Variants in HECW1 observed in about 807,000 individuals in gnomAD.
The protein encoded by HECW1 is E3 ubiquitin-protein ligase HECW1.
A neutral mutation model predicts 182.3 loss-of-function variants in HECW1; 61 were observed. That is an observed-to-expected ratio of 0.33 (90% CI 0.27 to 0.41). The LOEUF is 0.41. Ranked by LOEUF, HECW1 falls within the 10% of genes least tolerant of loss-of-function variation. HECW1 has a pLI of 1.00. For synonymous variants in HECW1, 859 were observed against 832.6 expected (o/e 1.03, Z -0.55); for missense variants, 1,739 against 2,108.9 (o/e 0.82, Z 3.44).
chr7:43,536,033 A>G (rs1386252139), intron 24 of HECW1, among the ~76,000 whole-genome samples: 3 of 152,196 alleles, frequency 2.0e-5, no homozygotes, highest in Non-Finnish European at 4.4e-5. Context: ...GTTTGGATTG[A>G]GGAATCTAAC....
chr7:43,524,627 A>G (rs1263203068), intron 24 of HECW1, among the ~76,000 whole-genome samples: 1 of 152,232 alleles, frequency 6.6e-6, no homozygotes, highest in African/African-American at 2.4e-5. Flanking sequence ...AAGTAAGCAA[A>G]TACTAACATT....
intron 2 of HECW1, among the ~76,000 whole-genome samples, chr7:43,128,531 C>T (rs924453103): frequency 1.3e-5 from 2 of 152,212 alleles, no homozygotes; most frequent in African/African-American, 4.8e-5. Flanking sequence ...TGACAATGCA[C>T]TTGGTCACCC....
At chr7:43,406,207 A>G (rs1354987727) in intron 7 of HECW1, among the ~76,000 whole-genome samples, 1 of 152,194 alleles carries the variant, frequency 6.6e-6, no homozygotes, top group African/African-American at 2.4e-5. Flanking sequence ...CAGTGCAGAG[A>G]TCTACCAGTC....
In HECW1 at chr7:43,554,541, C is replaced by G. The variant is rs750647520; in HGVS notation, c.4511-51C>G. The G allele has an allele frequency of 5.3e-6, 8 of 1,507,518 alleles. No homozygotes were observed. In the East Asian group the frequency reaches 1.7e-4, roughly 31 times the overall value. 93.4% of individuals were successfully genotyped at this position (1,507,518 alleles called of 1,614,324 possible). On this transcript the variant is annotated intron_variant, in intron 28 of 29. Coordinates refer to ENST00000395891, the MANE Select transcript of HECW1 (RefSeq NM_015052.5). ...TTGATCTCTCTCTCCCTCCTCACCCCTTCCTCTTTTCTCCACATCCTGTCT... is the reference window on the plus strand; with the variant it reads ...TTGATCTCTCTCTCCCTCCTCACCCGTTCCTCTTTTCTCCACATCCTGTCT...
At chr7:43,414,994 T>C (rs942407550) in intron 8 of HECW1, among the ~76,000 whole-genome samples, 5 of 152,214 alleles carry the variant, frequency 3.3e-5, no homozygotes, top group African/African-American at 1.2e-4. Context: ...TTTGCCAGTC[T>C]GTGTCTTTTA....
chr7:43,556,349 T>G (rs2152962606), intron 29 of HECW1, among the ~76,000 whole-genome samples: 1 of 152,238 alleles, frequency 6.6e-6, no homozygotes, highest in South Asian at 2.1e-4. Flanking sequence ...CGGAGCAACA[T>G]CACAGGGGAT....
At chr7:43,185,806 G>A (rs1289010281) in intron 2 of HECW1, among the ~76,000 whole-genome samples, 1 of 152,008 alleles carries the variant, frequency 6.6e-6, no homozygotes, top group African/African-American at 2.4e-5. Context: ...TTGAGTATTT[G>A]TTACATTTTC....
Position 43,378,996 on chromosome 7 carries a change from G to A in HECW1, c.556-17818G>A, listed in dbSNP as rs145661184. On this transcript the variant is annotated intron_variant, in intron 6 of 29. Coordinates refer to ENST00000395891, the MANE Select transcript of HECW1 (RefSeq NM_015052.5). ...GGGTGGTTATTGCTTATGGGGGGGCGGTGTGCCCTTGCTCACACAAGCACT... is the reference window on the plus strand; with the variant it reads ...GGGTGGTTATTGCTTATGGGGGGGCAGTGTGCCCTTGCTCACACAAGCACT... 9.9e-5 allele frequency among the ~76,000 whole-genome samples: 15 copies of A among 152,194 alleles called. No individual in the cohort carries two copies. The South Asian group carries it at 2.5e-3, about 25-fold the overall frequency.
intron 2 of HECW1, among the ~76,000 whole-genome samples, chr7:43,131,001 C>T (rs1786855423): frequency 6.6e-6 from 1 of 152,140 alleles, no homozygotes; most frequent in South Asian, 2.1e-4. Flanking sequence ...CATGGTGGCT[C>T]AGACCTGTAA....
At chr7:43,284,231 T>C (rs1378202252) in intron 3 of HECW1, among the ~76,000 whole-genome samples, 2 of 152,224 alleles carry the variant, frequency 1.3e-5, no homozygotes, top group Non-Finnish European at 2.9e-5. Context: ...CATTTTTTAA[T>C]TGACAAATGA....
intron 2 of HECW1, among the ~76,000 whole-genome samples, chr7:43,148,041 T>G (rs1788906454): frequency 6.6e-6 from 1 of 152,246 alleles, no homozygotes; most frequent in Admixed American, 6.5e-5. Context: ...GAATCTATTT[T>G]GTGCCATGTG....
intron 21 of HECW1, among the ~76,000 whole-genome samples, chr7:43,501,718 C>T (rs766094958): frequency 9.2e-5 from 14 of 151,978 alleles, no homozygotes; most frequent in Non-Finnish European, 1.9e-4. Context: ...GTAGTCCCAG[C>T]TACTAGGGAG....
chr7:43,188,031 C>A (rs113778236), intron 2 of HECW1, among the ~76,000 whole-genome samples: 2,276 of 152,298 alleles, frequency 0.015, 51 homozygotes, highest in African/African-American at 0.05. Context: ...AGGACTAATT[C>A]CAGCACAAAC....
intron 2 of HECW1, among the ~76,000 whole-genome samples, chr7:43,159,678 C>CTTTTTTTT (rs36117153): frequency 4.8e-5 from 6 of 123,752 alleles, no homozygotes; most frequent in Admixed American, 8.8e-5. Flanking sequence ...TTCCTTGTAT[C>CTTTTTTTT]TTTTTTTTTT....
At chr7:43,125,808 A>G (rs1419784909) in intron 2 of HECW1, among the ~76,000 whole-genome samples, 4 of 148,892 alleles carry the variant, frequency 2.7e-5, no homozygotes, top group Non-Finnish European at 5.9e-5. Context: ...GAAAGTTGCC[A>G]CTGAATGGAG....
intron 17 of HECW1, among the ~76,000 whole-genome samples, chr7:43,482,873 C>T (rs147421341): frequency 0.015 from 2,307 of 152,198 alleles, 35 homozygotes; most frequent in Non-Finnish European, 0.023. Context: ...CCACTGCACT[C>T]CAGCCTAGGC....
chr7:43,493,040 C>A (rs1367903559), intron 18 of HECW1, 44 bp from the exon 19 acceptor site: 1 of 1,354,084 alleles, frequency 7.4e-7, no homozygotes, highest in Non-Finnish European at 1.1e-6. Flanking sequence ...GTGATTATCT[C>A]TGGGCTGCAG....
At chr7:43,387,570 C>T (rs561333997) in intron 6 of HECW1, among the ~76,000 whole-genome samples, 118 of 152,304 alleles carry the variant, frequency 7.7e-4, no homozygotes, top group Admixed American at 1.3e-3. Flanking sequence ...AAGACATTTA[C>T]ATAGGAAGCC....
rs375583279 is a variant in HECW1 at position 43,221,720 on chromosome 7, A to G, written c.-31-22155A>G. On this transcript the variant is annotated intron_variant, in intron 2 of 29. Transcript: ENST00000395891. Reference sequence around the variant, plus strand: ...AGGTGCCCACCACCACGCCCGGCTAATTTTTTGTATTTTTAGTAGAGACAG... The same window carrying G: ...AGGTGCCCACCACCACGCCCGGCTAGTTTTTTGTATTTTTAGTAGAGACAG... Among the ~76,000 whole-genome samples the G allele has an allele frequency of 6.6e-5, 10 of 151,574 alleles. No homozygotes were observed. In the South Asian group the frequency reaches 1.3e-3, roughly 19 times the overall value.
Sources: allele counts gnomAD v4.1 joint callset (sites outside exome capture counted in the v4.1 genomes callset), GRCh38; gene constraint gnomAD v4.1.1; transcripts MANE v1.5; gene names NCBI Gene and HGNC (gene_info 2026-07-23, HGNC 2026-07-21).